Variants in MEIS1 observed in about 807,000 individuals in gnomAD.
The protein encoded by MEIS1 is homeobox protein Meis1.
Under a neutral mutation model 50.8 loss-of-function variants are expected in MEIS1, and 5 were observed. That is an observed-to-expected ratio of 0.10 (90% confidence interval 0.05 to 0.21). The LOEUF is 0.21. MEIS1 is among the 10% of genes least tolerant of loss of function. The probability of loss-of-function intolerance (pLI) is 1.00; values close to 1 mark genes in which losing one functional copy is unlikely to be tolerated. For synonymous variants in MEIS1, 176 were observed against 179.3 expected, an observed-to-expected ratio of 0.98 and a Z score of 0.15; for missense variants, 318 against 517.3, an observed-to-expected ratio of 0.61 and a Z score of 3.74.
At chr2:66,443,140 G>T in intron 6 of MEIS1, 92 bp downstream of exon 6, 1 of 1,368,564 alleles carries the variant, frequency 7.3e-7, no homozygotes, top group Non-Finnish European at 9.7e-7. Context: ...TTTATTATTT[G>T]CATATGATTA....
intron 8 of MEIS1, among the ~76,000 whole-genome samples, chr2:66,518,394 T>G (rs769610837): frequency 6.6e-6 from 1 of 152,174 alleles, no homozygotes; most frequent in African/African-American, 2.4e-5. Flanking sequence ...AAATTTTCTT[T>G]TTTTCCCAAG....
intron 7 of MEIS1, among the ~76,000 whole-genome samples, chr2:66,480,904 G>A (rs1390857293): frequency 6.6e-6 from 1 of 152,012 alleles, no homozygotes; most frequent in African/African-American, 2.4e-5. Context: ...TTATTATGAT[G>A]TCCATTACTT....
chr2:66,557,022 T>G (rs1416252588), intron 9 of MEIS1, among the ~76,000 whole-genome samples: 1 of 152,198 alleles, frequency 6.6e-6, no homozygotes, highest in Non-Finnish European at 1.5e-5. Context: ...TTAAATTTTG[T>G]TTTTAGTCAT....
chr2:66,520,267 G>T (rs927902244), intron 8 of MEIS1, among the ~76,000 whole-genome samples: 7 of 151,800 alleles, frequency 4.6e-5, no homozygotes, highest in African/African-American at 1.7e-4. Context: ...GAGGTCAGGA[G>T]ATCGAGACCA....
intron 8 of MEIS1, among the ~76,000 whole-genome samples, chr2:66,537,747 A>G (rs936701156): frequency 6.6e-6 from 1 of 152,110 alleles, no homozygotes; most frequent in Admixed American, 6.5e-5. Flanking sequence ...TTGTCTTTCT[A>G]CTTAATGGTT....
At chr2:66,492,266 C>T (rs1673292146) in intron 7 of MEIS1, among the ~76,000 whole-genome samples, 1 of 151,900 alleles carries the variant, frequency 6.6e-6, no homozygotes, top group African/African-American at 2.4e-5. Flanking sequence ...TGAACTGTCA[C>T]CGTGCTTATA....
intron 7 of MEIS1, among the ~76,000 whole-genome samples, chr2:66,469,142 A>C (rs1255796981): frequency 1.3e-5 from 2 of 151,984 alleles, no homozygotes; most frequent in Non-Finnish European, 2.9e-5. Flanking sequence ...AAACCCACTT[A>C]TGAACTTCTC....
intron 9 of MEIS1, among the ~76,000 whole-genome samples, chr2:66,553,529 C>T (rs916829340): frequency 2.6e-5 from 4 of 152,136 alleles, no homozygotes; most frequent in Non-Finnish European, 5.9e-5. Flanking sequence ...AAATGTTTAG[C>T]TTGCATATTG....
intron 9 of MEIS1, among the ~76,000 whole-genome samples, chr2:66,566,373 A>T (rs1484593756): frequency 3.3e-5 from 5 of 152,212 alleles, no homozygotes; most frequent in African/African-American, 1.2e-4. Flanking sequence ...ACTAGAATTC[A>T]TACTGGACTA....
chr2:66,527,591 AGTGTGTGTGTGTGTGTGT>A (rs71409176), intron 8 of MEIS1, among the ~76,000 whole-genome samples: 44 of 124,478 alleles, frequency 3.5e-4, no homozygotes, highest in East Asian at 1.2e-3. Context: ...AGTAAAAGCA[AGTGTGTGTGTGTGTGTGT>A]GTGTGTGTGT....
At chr2:66,570,382 T>A (rs1404193481) in intron 12 of MEIS1, 1 of 152,240 alleles carries the variant, frequency 6.6e-6, no homozygotes, top group African/African-American at 2.4e-5. Flanking sequence ...TCTTTTTTGA[T>A]TAAAGAGCTG....
chr2:66,443,371 T>C (rs570956750), intron 6 of MEIS1: 58 of 262,240 alleles, frequency 2.2e-4, no homozygotes, highest in Non-Finnish European at 3.7e-4. Context: ...CCTCTGATTG[T>C]AGGGGCTTTG....
intron 7 of MEIS1, among the ~76,000 whole-genome samples, chr2:66,466,677 GTTA>G (rs1481986443): frequency 1.3e-5 from 2 of 152,178 alleles, no homozygotes; most frequent in Non-Finnish European, 2.9e-5. Flanking sequence ...GTCCTAAATA[GTTA>G]TTTACACAGT....
chr2:66,533,617 A>G (rs1328577325), intron 8 of MEIS1, among the ~76,000 whole-genome samples: 2 of 152,200 alleles, frequency 1.3e-5, no homozygotes, highest in Non-Finnish European at 2.9e-5. Flanking sequence ...CTAAGCATAA[A>G]ACATCTAATA....
chr2:66,461,641 A>C (rs945572538), intron 6 of MEIS1, among the ~76,000 whole-genome samples: 11 of 152,228 alleles, frequency 7.2e-5, no homozygotes, highest in Non-Finnish European at 1.3e-4. Flanking sequence ...TGAACACACA[A>C]ATTTAAACAT....
At chr2:66,457,693 C>T (rs180865375) in intron 6 of MEIS1, among the ~76,000 whole-genome samples, 2 of 152,330 alleles carry the variant, frequency 1.3e-5, no homozygotes, top group Non-Finnish European at 2.9e-5. Flanking sequence ...ATGCACCCCC[C>T]CAGACAGTGT....
chr2:66,506,050 A>G (rs1229071407), intron 7 of MEIS1, among the ~76,000 whole-genome samples: 1 of 152,230 alleles, frequency 6.6e-6, no homozygotes, highest in East Asian at 1.9e-4. Context: ...TTCATTTTAT[A>G]AGCGATGAAC....
chr2:66,440,406 C>G (rs890142604), intron 3 of MEIS1, 156 bp from the exon 4 acceptor site: 1 of 681,886 alleles, frequency 1.5e-6, no homozygotes, highest in South Asian at 1.7e-5. Context: ...TGTTTCTGCG[C>G]GGGACGAACT....
intron 9 of MEIS1, among the ~76,000 whole-genome samples, chr2:66,566,414 T>A (rs1675348251): frequency 1.3e-5 from 2 of 152,182 alleles, no homozygotes; most frequent in South Asian, 4.1e-4. Context: ...AGAGCCTTAT[T>A]AAACTTTTCA....
Sources: gnomAD v4.1 joint callset for allele counts (sites outside exome capture counted in the v4.1 genomes callset) on GRCh38, gnomAD v4.1.1 for gene constraint, MANE v1.5 for transcripts, NCBI Gene and HGNC (gene_info 2026-07-23, HGNC 2026-07-21) for gene names.